Variants in PLA2G2F observed in about 807,000 individuals in gnomAD.
PLA2G2F encodes group IIF secretory phospholipase A2.
A neutral mutation model predicts 15.9 loss-of-function variants in PLA2G2F; 17 were observed. That is an observed-to-expected ratio of 1.07 (90% confidence interval 0.73 to 1.60). The LOEUF is 1.60. PLA2G2F is among the 40% of genes most tolerant of loss of function. The pLI, the probability that PLA2G2F is intolerant of heterozygous loss-of-function variation, is 0.00. For synonymous variants in PLA2G2F, 119 were observed against 106.5 expected, an observed-to-expected ratio of 1.12 and a Z score of -0.72; for missense variants, 299 against 278.2, an observed-to-expected ratio of 1.07 and a Z score of -0.53.
At chr1:20,144,736 G>A (rs1229343220) in intron 4 of PLA2G2F, 47 bp downstream of exon 4, 2 of 1,461,922 alleles carry the variant, frequency 1.4e-6, no homozygotes, top group African/African-American at 1.4e-5. Flanking sequence ...GGGAGTGGCT[G>A]GCTCTACCAG....
chr1:20,141,838 G>A (rs1218274793), intron 2 of PLA2G2F: 1 of 152,218 alleles, frequency 6.6e-6, no homozygotes, highest in Non-Finnish European at 1.5e-5. Flanking sequence ...TGTGTGCCAG[G>A]CCTCCAGCAG....
intron 4 of PLA2G2F, among the ~76,000 whole-genome samples, chr1:20,147,860 G>A (rs2017643079): frequency 6.6e-6 from 1 of 152,196 alleles, no homozygotes; most frequent in East Asian, 1.9e-4. Flanking sequence ...AGTTCTGTGG[G>A]TGACTTAGGT....
At position 20,143,699 on chromosome 1, in the gene PLA2G2F, G is replaced by A. The variant is rs933799713; in HGVS notation, c.314+109G>A. The A allele has an allele frequency of 2.9e-6, 4 of 1,364,070 alleles. No homozygotes were observed. In the African/African-American group the frequency reaches 5.8e-5, roughly 20 times the overall value. 84.5% of individuals were successfully genotyped at this position (1,364,070 alleles called of 1,614,324 possible). A position where few individuals can be genotyped will look rare whatever the true frequency, so the allele number is the denominator to read the frequency against. On this transcript the variant is annotated intron_variant, in intron 3 of 4. Coordinates refer to ENST00000375102, the MANE Select transcript of PLA2G2F (RefSeq NM_022819.4). ...TGGGGGAGACCTTCTTTCCCCAAAG[G>A]ATCCAGCTTCTTTGATGACTTGGTG...
In PLA2G2F at chr1:20,143,489, G is replaced by A. The variant is rs1010873070; in HGVS notation, c.213G>A (p.Met71Ile). 8 of 1,614,066 alleles carry A rather than the reference G, an allele frequency of 5.0e-6. No homozygotes were observed. Among genetic ancestry groups the A allele is most frequent in the South Asian group, 1.1e-5 (1 of 91,072 alleles). The change falls in exon 3 of 5, where the codon ATG becomes ATA. Residue 71 changes from methionine to isoleucine, a missense_variant. Coordinates refer to ENST00000375102, the MANE Select transcript of PLA2G2F (RefSeq NM_022819.4). ...AHGSLLNLKAMVEAVTGRSAI... is the reference protein window; with the variant it reads ...AHGSLLNLKAIVEAVTGRSAI... ...GCAGCCTGCTCAACCTGAAGGCCAT[G>A]GTGGAGGCCGTCACAGGGAGGAGCG...
At chr1:20,145,357 C>T (rs1451679140) in intron 4 of PLA2G2F, among the ~76,000 whole-genome samples, 2 of 151,154 alleles carry the variant, frequency 1.3e-5, no homozygotes, top group Non-Finnish European at 2.9e-5. Context: ...TCTCGGCTCA[C>T]TACAACCTCT....
Position 20,142,454 on chromosome 1 carries a change from T to C in PLA2G2F, c.170-992T>C, listed in dbSNP as rs184810458. ...CAGGTAAGGACTGTAGGTGCCAGGCTGGGCGTGTGGACCCAGTGCTGCATC... is the reference window on the plus strand; with the variant it reads ...CAGGTAAGGACTGTAGGTGCCAGGCCGGGCGTGTGGACCCAGTGCTGCATC... On this transcript the variant is annotated intron_variant, in intron 2 of 4. Coordinates refer to ENST00000375102, the MANE Select transcript of PLA2G2F (RefSeq NM_022819.4). 2.0e-4 allele frequency: 30 copies of C among 152,438 alleles called. 1 individual carries two copies. The highest frequency in any genetic ancestry group is 6.7e-4 in the African/African-American group (28 of 41,572). 9.4% of individuals were successfully genotyped at this position (152,438 alleles called of 1,614,324 possible). A position where few individuals can be genotyped will look rare whatever the true frequency, so the allele number is the denominator to read the frequency against.
intron 2 of PLA2G2F, 109 bp from the exon 3 acceptor site, chr1:20,143,337 C>T: frequency 1.5e-6 from 2 of 1,379,008 alleles, no homozygotes; most frequent in South Asian, 1.5e-5. Flanking sequence ...CCTTCTCCCA[C>T]CTACCCTAGG....
intron 4 of PLA2G2F, 90 bp downstream of exon 4, chr1:20,144,779 T>C (rs1167461384): frequency 5.4e-5 from 63 of 1,172,272 alleles, no homozygotes; most frequent in Non-Finnish European, 7.3e-5. Flanking sequence ...GCTTGCCAGA[T>C]TAAATACAGG....
rs747196063 is a variant in PLA2G2F, at chr1:20,143,560, G to T, written c.284G>T (p.Gly95Val). The change falls in exon 3 of 5, where the codon GGC becomes GTC. Residue 95 changes from glycine (G) to valine (V), a missense_variant. Coordinates refer to ENST00000375102, the MANE Select transcript of PLA2G2F (RefSeq NM_022819.4). ...TACGGTTGCTACTGTGGGCTGGGGG[G>T]CCGTGGCCAGCCCAAGGATGAGGTG... ...VGYGCYCGLG[G>V]RGQPKDEVDW... 99 of 1,613,910 alleles carry T rather than the reference G, an allele frequency of 6.1e-5. No homozygotes were observed. Among genetic ancestry groups the T allele is most frequent in the Admixed American group, 1.3e-4 (8 of 60,000 alleles).
Position 20,139,415 on chromosome 1 carries a change from C to G in PLA2G2F, c.-13C>G. 1 of 1,548,474 alleles carries G rather than the reference C, an allele frequency of 6.5e-7. No individual in the cohort carries two copies. ...TCTGAGACCTATGTTGCTGGCCCCC[C>G]AGAACCCGCAACATGGCAGATGGGG... is the stretch of plus-strand genomic sequence containing the variant. On this transcript the variant is annotated 5_prime_UTR_variant, in exon 1 of 5. Transcript: ENST00000375102.
chr1:20,145,604 T>TTTAATTAATTAA (rs140888490), intron 4 of PLA2G2F, among the ~76,000 whole-genome samples: 124 of 150,918 alleles, frequency 8.2e-4, no homozygotes, highest in African/African-American at 2.9e-3. Context: ...TACCTGAAAT[T>TTTAATTAATTAA]TTAATTAATT....
Position 20,148,720 on chromosome 1 carries a change from G to T in PLA2G2F, c.*319G>T, listed in dbSNP as rs775910594. The T allele has an allele frequency of 9.7e-4, 359 of 370,930 alleles. 4 individuals are homozygous for T. Among genetic ancestry groups the T allele is most frequent in the Non-Finnish European group, 2.4e-4 (49 of 202,246 alleles). The allele number at this position is 370,930 out of a possible 1,614,324, so 23.0% of individuals were successfully genotyped here. A position where few individuals can be genotyped will look rare whatever the true frequency, so the allele number is the denominator to read the frequency against. On this transcript the variant is annotated 3_prime_UTR_variant, in exon 5 of 5. Transcript: ENST00000375102. ...GGGGCCTCTGAGTGGGGCCTCTGTT[G>T]CTGGCGCCAGTTTAACTCCCCGGAG... is the stretch of plus-strand genomic sequence containing the variant.
At position 20,150,218 on chromosome 1, in the gene PLA2G2F, CCT is replaced by C. The variant is rs1038249450; in HGVS notation, c.*1818_*1819del. 4 of 152,392 alleles carry C rather than the reference CCT, an allele frequency of 2.6e-5. No individual in the cohort carries two copies. Among genetic ancestry groups the C allele is most frequent in the African/African-American group, 9.6e-5 (4 of 41,468 alleles). The allele number at this position is 152,392 out of a possible 1,614,324, so 9.4% of individuals were successfully genotyped here. On this transcript the variant is annotated 3_prime_UTR_variant, in exon 5 of 5. Coordinates refer to ENST00000375102, the MANE Select transcript of PLA2G2F (RefSeq NM_022819.4). ...CCTCCCCCGCGCACACACACCCTCC[CCT>C]GTCCCTCGGAAAGACTAGGCCAGGG...
chr1:20,145,283 TA>T (rs1462425953), intron 4 of PLA2G2F, among the ~76,000 whole-genome samples: 33 of 150,724 alleles, frequency 2.2e-4, no homozygotes, highest in African/African-American at 7.7e-4. Context: ...CTAAAACATG[TA>T]TTTTTTTTTT....
At chr1:20,144,490 G>C (rs1045677794) in intron 3 of PLA2G2F, 90 bp from the exon 4 acceptor site, 2 of 928,354 alleles carry the variant, frequency 2.2e-6, no homozygotes, top group East Asian at 5.2e-5. Context: ...TTTGACCTGC[G>C]AGAGACTGGA....
Position 20,149,467 on chromosome 1 carries a change from G to C in PLA2G2F, c.*1066G>C, listed in dbSNP as rs1327691184. On this transcript the variant is annotated 3_prime_UTR_variant, in exon 5 of 5. Coordinates refer to ENST00000375102, the MANE Select transcript of PLA2G2F (RefSeq NM_022819.4). ...ATTGGTGGGGAAGAGGCTGAGGGCT[G>C]AGACCCACCTCAGTGAAGAGGGAAA... 2 of 152,508 alleles carry C rather than the reference G, an allele frequency of 1.3e-5. No individual in the cohort carries two copies. Among genetic ancestry groups the C allele is most frequent in the Non-Finnish European group, 2.9e-5 (2 of 68,264 alleles). 9.4% of individuals were successfully genotyped at this position (152,508 alleles called of 1,614,324 possible). A position where few individuals can be genotyped will look rare whatever the true frequency, so the allele number is the denominator to read the frequency against.
chr1:20,145,598 T>G (rs2017573328), intron 4 of PLA2G2F, among the ~76,000 whole-genome samples: 1 of 150,370 alleles, frequency 6.7e-6, no homozygotes, highest in African/African-American at 2.4e-5. Context: ...ACTGTTTACC[T>G]GAAATTTTAA....
chr1:20,147,123 T>C (rs184939864), intron 4 of PLA2G2F, among the ~76,000 whole-genome samples: 1 of 152,290 alleles, frequency 6.6e-6, no homozygotes, highest in East Asian at 1.9e-4. Context: ...TCAAGCTAGT[T>C]GGAGGTTCTC....
chr1:20,144,749 TG>T (rs2017552096), intron 4 of PLA2G2F, 60 bp downstream of exon 4: 1 of 1,360,704 alleles, frequency 7.3e-7, no homozygotes, highest in Non-Finnish European at 1.0e-6. Context: ...TCTACCAGCC[TG>T]TGCTGGGATG....
Sources: gnomAD v4.1 joint callset for allele counts (sites outside exome capture counted in the v4.1 genomes callset) on GRCh38, gnomAD v4.1.1 for gene constraint, MANE v1.5 for transcripts, NCBI Gene and HGNC (gene_info 2026-07-23, HGNC 2026-07-21) for gene names.